Variants in ZNF257 observed in about 807,000 individuals in gnomAD.
ZNF257 encodes the protein bone marrow zinc finger 4.
Under a neutral mutation model 11.9 loss-of-function variants are expected in ZNF257, and 12 were observed. That is an observed-to-expected ratio of 1.01 (90% CI 0.65 to 1.63). The LOEUF (loss-of-function observed/expected upper bound fraction) is 1.63. ZNF257 is among the 40% of genes most tolerant of loss of function. ZNF257 has a pLI of 0.00. For missense variants in ZNF257, 580 were observed against 665.5 expected, an observed-to-expected ratio of 0.87 and a Z score of 1.41; for synonymous variants, 183 against 222.7, an observed-to-expected ratio of 0.82 and a Z score of 1.59.
rs759176347 is a variant in ZNF257, at chr19:22,073,431, T to A, written c.131-38T>A. ...CATTACTAAGTTGGTAATTGGAGAA[T>A]ATGAGCAAGATGCGTGTTACTTATT... On this transcript the variant is annotated intron_variant, in intron 2 of 3. Coordinates refer to ENST00000594947, the MANE Select transcript of ZNF257 (RefSeq NM_033468.4). 3 of 1,578,436 alleles carry A rather than the reference T, an allele frequency of 1.9e-6. No individual in the cohort carries two copies. In the South Asian group the frequency reaches 3.5e-5, roughly 19 times the overall value.
At chr19:22,073,904 A>G (rs971909733) in intron 3 of ZNF257, among the ~76,000 whole-genome samples, 3 of 152,134 alleles carry the variant, frequency 2.0e-5, no homozygotes, top group African/African-American at 7.2e-5. Flanking sequence ...CAAAAATTCT[A>G]TGTTAAGCTA....
At position 22,089,492 on chromosome 19, in the gene ZNF257, T is replaced by C; in HGVS notation, c.*50T>C. On this transcript the variant is annotated 3_prime_UTR_variant, in exon 4 of 4. Coordinates refer to ENST00000594947, the MANE Select transcript of ZNF257 (RefSeq NM_033468.4). ...AGAATGTGTCAAAGCTTTTAACTGT[T>C]CCTCAATCCTTACTAAACATAAGGG... The C allele has an allele frequency of 6.4e-7, 1 of 1,562,258 alleles. No individual in the cohort carries two copies. The highest frequency in any genetic ancestry group is 2.3e-5 in the East Asian group (1 of 43,200).
Position 22,088,655 on chromosome 19 carries a change from C to T in ZNF257, c.905C>T (p.Thr302Ile). 6.2e-7 allele frequency: 1 copy of T among 1,609,306 alleles called. No homozygotes were observed. Among genetic ancestry groups the T allele is most frequent in the Non-Finnish European group, 8.5e-7 (1 of 1,178,946 alleles). Reference sequence around the variant, plus strand: ...TTTAAGTGGTCCTCAGCTCTTACTACCCTTACTCAACATAAGAGAATTCAT... The same window carrying T: ...TTTAAGTGGTCCTCAGCTCTTACTATCCTTACTCAACATAAGAGAATTCAT... ...KAFKWSSALTTLTQHKRIHTG... is the reference protein window; with the variant it reads ...KAFKWSSALTILTQHKRIHTG... Residue 302 changes from threonine to isoleucine, a missense_variant, in exon 4 of 4, where the codon ACC (threonine) becomes ATC (isoleucine). Physicochemically the swap from Thr to Ile is moderately conservative, Grantham distance 89. Transcript: ENST00000594947.
At chr19:22,087,519 AT>A (rs960193918) in intron 3 of ZNF257, 17 of 1,210,454 alleles carry the variant, frequency 1.4e-5, no homozygotes, top group African/African-American at 6.3e-5. Context: ...AAAGTATACT[AT>A]TTTTTTTCAG....
chr19:22,053,696 C>T (rs2021543391), intron 1 of ZNF257, among the ~76,000 whole-genome samples: 1 of 152,092 alleles, frequency 6.6e-6, no homozygotes. Flanking sequence ...GAGGCCCAGG[C>T]GGGCGGATCA....
In ZNF257 at chr19:22,090,302, T is replaced by A. The variant is rs2022596528; in HGVS notation, c.*860T>A. ...TAAAGGGGTTTGTAGTGCTTTTACT[T>A]GTATCACAGATTTTATTGTACACAT... On this transcript the variant is annotated 3_prime_UTR_variant, in exon 4 of 4. Transcript: ENST00000594947. The A allele has an allele frequency of 6.6e-6, 1 of 152,148 alleles. No homozygotes were observed. Among genetic ancestry groups the A allele is most frequent in the African/African-American group, 2.4e-5 (1 of 41,420 alleles). The allele number at this position is 152,148 out of a possible 1,614,324, so 9.4% of individuals were successfully genotyped here.
At chr19:22,064,343 T>C (rs935858496) in intron 1 of ZNF257, 1 of 152,206 alleles carries the variant, frequency 6.6e-6, no homozygotes, top group Admixed American at 6.5e-5. Context: ...AAGTAAACCT[T>C]TTGTCATTAT....
At chr19:22,080,688 A>G (rs2022337497) in intron 3 of ZNF257, among the ~76,000 whole-genome samples, 1 of 151,276 alleles carries the variant, frequency 6.6e-6, no homozygotes, top group Non-Finnish European at 1.5e-5. Context: ...TATTATTGCT[A>G]TTTTATCTGA....
intron 1 of ZNF257, among the ~76,000 whole-genome samples, chr19:22,070,413 C>T (rs2022073759): frequency 6.6e-6 from 1 of 152,050 alleles, no homozygotes; most frequent in African/African-American, 2.4e-5. Context: ...AATTATTAAA[C>T]ACTTAGTACC....
intron 3 of ZNF257, among the ~76,000 whole-genome samples, chr19:22,075,108 T>A (rs989305850): frequency 1.3e-5 from 2 of 152,130 alleles, no homozygotes; most frequent in Non-Finnish European, 2.9e-5. Flanking sequence ...AGAGGGGTTG[T>A]AGCTTGGTCA....
chr19:22,073,445 G>T, intron 2 of ZNF257, 24 bp from the exon 3 acceptor site: 2 of 1,594,688 alleles, frequency 1.3e-6, no homozygotes, highest in Middle Eastern at 1.7e-4. Flanking sequence ...AGCAAGATGC[G>T]TGTTACTTAT....
chr19:22,052,617 T>A lies in ZNF257; in HGVS notation c.-16T>A, dbSNP rs937568257. 4 of 1,607,234 alleles carry A rather than the reference T, an allele frequency of 2.5e-6. No homozygotes were observed. Among genetic ancestry groups the A allele is most frequent in the Non-Finnish European group, 2.6e-6 (3 of 1,175,816 alleles). Reference sequence around the variant, plus strand: ...GATCCCCAGCTAAGACGCCAGGTCCTCCTGGAAGCCTAGAAATGGTGAGAG... The same window carrying A: ...GATCCCCAGCTAAGACGCCAGGTCCACCTGGAAGCCTAGAAATGGTGAGAG... On this transcript the variant is annotated 5_prime_UTR_variant, in exon 1 of 4. Coordinates refer to ENST00000594947, the MANE Select transcript of ZNF257 (RefSeq NM_033468.4).
chr19:22,054,517 C>G (rs7259971), intron 1 of ZNF257, among the ~76,000 whole-genome samples: 36,148 of 152,054 alleles, frequency 0.24, 5,845 homozygotes, highest in African/African-American at 0.46. Context: ...TCCCAAATGC[C>G]AGTTTTCCCT....
rs772592446 is a variant in ZNF257 at position 22,088,741 on chromosome 19, C to T, written c.991C>T (p.Leu331Phe). The T allele has an allele frequency of 5.6e-6, 9 of 1,612,402 alleles. No individual in the cohort carries two copies. Among genetic ancestry groups the T allele is most frequent in the Non-Finnish European group, 7.6e-6 (9 of 1,179,618 alleles). The change falls in exon 4 of 4, where the codon CTT becomes TTT. Residue 331 changes from leucine to phenylalanine, a missense_variant. Physicochemically the swap from Leu to Phe is conservative, Grantham distance 22 (BLOSUM62 0). Transcript: ENST00000594947. Reference protein sequence around the residue: ...CGKAFNQSSALTRHKMIHTGE... With the variant: ...CGKAFNQSSAFTRHKMIHTGE... ...CAAAGCCTTTAACCAGTCCTCAGCC[C>T]TTACTCGACATAAGATGATTCATAC...
At chr19:22,072,091 T>C (rs1210340840) in intron 1 of ZNF257, among the ~76,000 whole-genome samples, 1 of 152,192 alleles carries the variant, frequency 6.6e-6, no homozygotes, top group South Asian at 2.1e-4. Context: ...GATTTACTTC[T>C]GGGAGAAAAT....
chr19:22,075,484 G>C (rs908115893), intron 3 of ZNF257: 1 of 152,224 alleles, frequency 6.6e-6, no homozygotes, highest in Non-Finnish European at 1.5e-5. Context: ...GGCTGTAAAC[G>C]GGTGTCTTCC....
At chr19:22,067,841 AT>A (rs1016398244) in intron 1 of ZNF257, among the ~76,000 whole-genome samples, 61 of 146,384 alleles carry the variant, frequency 4.2e-4, no homozygotes, top group Non-Finnish European at 6.2e-4. Flanking sequence ...CTCAAAAAAA[AT>A]AAAAAATAAA....
chr19:22,078,295 G>GT (rs1372448407), intron 3 of ZNF257, among the ~76,000 whole-genome samples: 3 of 145,738 alleles, frequency 2.1e-5, no homozygotes, highest in Non-Finnish European at 3.0e-5. Flanking sequence ...AGGTGATTTT[G>GT]TTTTTTGTGA....
intron 1 of ZNF257, among the ~76,000 whole-genome samples, chr19:22,067,812 T>C (rs7251660): frequency 0.24 from 35,814 of 151,562 alleles, 5,794 homozygotes; most frequent in African/African-American, 0.46. Flanking sequence ...CCAGCCTGGG[T>C]GACAGAGCGA....
Sources: gnomAD v4.1 joint callset for allele counts (sites outside exome capture counted in the v4.1 genomes callset) on GRCh38, gnomAD v4.1.1 for gene constraint, MANE v1.5 for transcripts, NCBI Gene and HGNC (gene_info 2026-07-23, HGNC 2026-07-21) for gene names.